Variants in ZNF507 observed in about 807,000 individuals in gnomAD.
The protein encoded by ZNF507 is zinc finger protein 507.
In ZNF507, 29 loss-of-function variants were observed where a neutral mutation model predicts 80.0. The ratio of observed to expected loss-of-function variants is 0.36; its 90% CI spans 0.27 to 0.49. ZNF507 has a LOEUF of 0.49. ZNF507 is among the 20% of genes least tolerant of loss of function. The pLI is 0.98. For missense variants in ZNF507, 1,081 were observed against 1,152.2 expected (o/e 0.94, Z 0.90); for synonymous variants, 462 against 422.5 (o/e 1.09, Z -1.15).
intron 3 of ZNF507, 62 bp from the exon 4 acceptor site, chr19:32,356,554 A>G: frequency 8.4e-7 from 1 of 1,186,068 alleles, no homozygotes. Flanking sequence ...GTTCTTCTAC[A>G]GCCTCCTAAG....
intron 5 of ZNF507, among the ~76,000 whole-genome samples, chr19:32,366,758 A>T (rs879448207): frequency 6.6e-5 from 10 of 152,270 alleles, no homozygotes; most frequent in Non-Finnish European, 1.0e-4. Context: ...GTAATTGGAC[A>T]TGTATATGTA....
rs1967700129 is a variant in ZNF507 at position 32,387,140 on chromosome 19, T to C, written c.*4057T>C. On this transcript the variant is annotated 3_prime_UTR_variant, in exon 7 of 7. Coordinates refer to ENST00000355898, the MANE Select transcript of ZNF507 (RefSeq NM_001136156.2). ...TTCTCTTCCAAATGTGACACGCTTA[T>C]ATGCTTTCAATTCTGATATAGTCAA... The C allele has an allele frequency of 6.6e-6, 1 of 152,248 alleles. No individual in the cohort carries two copies. The highest frequency in any genetic ancestry group is 1.5e-5 in the Non-Finnish European group (1 of 68,042). The allele number at this position is 152,248 out of a possible 1,614,324, so 9.4% of individuals were successfully genotyped here. A position where few individuals can be genotyped will look rare whatever the true frequency, so the allele number is the denominator to read the frequency against.
chr19:32,370,722 A>G (rs1318383052), intron 5 of ZNF507, among the ~76,000 whole-genome samples: 2 of 152,134 alleles, frequency 1.3e-5, no homozygotes, highest in Non-Finnish European at 2.9e-5. Context: ...TGCTGTGCAG[A>G]AGTTTTTTGG....
At chr19:32,370,552 G>C (rs537257090) in intron 5 of ZNF507, among the ~76,000 whole-genome samples, 1 of 152,126 alleles carries the variant, frequency 6.6e-6, no homozygotes, top group African/African-American at 2.4e-5. Context: ...ATCTGTTCAG[G>C]TCCTTTGCCC....
At chr19:32,356,263 A>G (rs768354777) in intron 3 of ZNF507, among the ~76,000 whole-genome samples, 33 of 152,048 alleles carry the variant, frequency 2.2e-4, no homozygotes, top group Non-Finnish European at 4.6e-4. Flanking sequence ...GTGATTACTG[A>G]TTGGATTTTT....
rs139938701 is a variant in ZNF507 at position 32,354,811 on chromosome 19, C to T, written c.1981C>T (p.Arg661Ter). 10 of 1,614,160 alleles carry T rather than the reference C, an allele frequency of 6.2e-6. No homozygotes were observed. Among genetic ancestry groups the T allele is most frequent in the Non-Finnish European group, 7.6e-6 (9 of 1,180,034 alleles). The change falls in exon 3 of 7, where the codon CGA (arginine) becomes TGA (stop). Residue 661 changes from arginine to a stop codon, truncating the protein, a stop_gained. Coordinates refer to ENST00000355898, the MANE Select transcript of ZNF507 (RefSeq NM_001136156.2). LOFTEE classifies it high-confidence loss of function. ...GNKGYIKQHL[R>*]VHRQRQPYQC... ...CAAGGGCTACATCAAGCAGCACTTA[C>T]GAGTCCATCGACAGAGACAGCCTTA...
At chr19:32,373,967 T>C (rs1296003091) in intron 5 of ZNF507, among the ~76,000 whole-genome samples, 1 of 152,202 alleles carries the variant, frequency 6.6e-6, no homozygotes, top group African/African-American at 2.4e-5. Flanking sequence ...AAAGGCTTGC[T>C]TAGTCACTGG....
rs772981292 is a variant in ZNF507, at chr19:32,353,410, G to T, written c.580G>T (p.Val194Leu). ...CACCCAATCCAAAGCCCAACAGTGC[G>T]TAAGCCCCTCCAGCTCTTTGTGTCG... ...IHTQSKAQQC[V>L]SPSSSLCRKT... Residue 194 changes from valine (V) to leucine (L), a missense_variant, in exon 3 of 7, where the codon GTA becomes TTA. Around this residue, in one of 6 missense-constraint regions of ZNF507, gnomAD observed 275 missense variants for 303.9 expected, o/e 0.90. Transcript: ENST00000355898. The T allele has an allele frequency of 2.5e-5, 40 of 1,614,056 alleles. No homozygotes were observed. The highest frequency in any genetic ancestry group is 3.1e-5 in the Non-Finnish European group (36 of 1,180,048).
chr19:32,362,994 C>A (rs990583160), intron 5 of ZNF507, among the ~76,000 whole-genome samples: 1 of 152,206 alleles, frequency 6.6e-6, no homozygotes, highest in Non-Finnish European at 1.5e-5. Context: ...GGTCGCAGAG[C>A]ATTACGGATT....
At chr19:32,377,238 C>T (rs1003173099) in intron 5 of ZNF507, among the ~76,000 whole-genome samples, 2 of 152,068 alleles carry the variant, frequency 1.3e-5, no homozygotes, top group Admixed American at 6.6e-5. Context: ...CTGACGCTAC[C>T]GCTAGACCAT....
intron 2 of ZNF507, among the ~76,000 whole-genome samples, chr19:32,351,085 T>C (rs1183684900): frequency 3.9e-5 from 6 of 152,152 alleles, no homozygotes; most frequent in African/African-American, 1.4e-4. Flanking sequence ...ACAGAACTAG[T>C]CTTTTGAGAG....
Position 32,354,134 on chromosome 19 carries a change from G to A in ZNF507, c.1304G>A (p.Arg435His), listed in dbSNP as rs766773762. 3.2e-5 allele frequency: 51 copies of A among 1,613,168 alleles called. No individual in the cohort carries two copies. In the Admixed American group the frequency reaches 4.5e-4, roughly 14 times the overall value. ...DLSLTEAQIG[R>H]EGMDDVYRAD... Reference sequence around the variant, plus strand: ...AGCCTGACAGAAGCTCAGATTGGGCGCGAAGGAATGGATGATGTTTATCGT... The same window carrying A: ...AGCCTGACAGAAGCTCAGATTGGGCACGAAGGAATGGATGATGTTTATCGT... The change falls in exon 3 of 7, where the codon CGC becomes CAC. Residue 435 changes from arginine to histidine, a missense_variant. By Grantham distance (29) the Arg-to-His change is conservative. Coordinates refer to ENST00000355898, the MANE Select transcript of ZNF507 (RefSeq NM_001136156.2).
chr19:32,380,998 G>A (rs1278767244), intron 5 of ZNF507, among the ~76,000 whole-genome samples: 1 of 152,068 alleles, frequency 6.6e-6, no homozygotes, highest in Non-Finnish European at 1.5e-5. Context: ...CAAAAAACTG[G>A]AAGCAACCAA....
intron 2 of ZNF507, among the ~76,000 whole-genome samples, chr19:32,350,587 C>T (rs1048517590): frequency 5.3e-5 from 8 of 152,168 alleles, no homozygotes; most frequent in Admixed American, 6.5e-5. Context: ...GAGCAATTTG[C>T]ACTGGTCTGT....
At chr19:32,359,678 T>G (rs938421250) in intron 4 of ZNF507, 3 of 152,236 alleles carry the variant, frequency 2.0e-5, no homozygotes, top group Non-Finnish European at 2.9e-5. Context: ...ACATGGCTAC[T>G]TTTCGTTGGA....
intron 5 of ZNF507, among the ~76,000 whole-genome samples, chr19:32,370,718 G>A (rs1967459348): frequency 6.6e-6 from 1 of 152,094 alleles, no homozygotes; most frequent in East Asian, 1.9e-4. Context: ...TCTTTGCTGT[G>A]CAGAAGTTTT....
At chr19:32,363,591 C>T (rs1343124432) in intron 5 of ZNF507, among the ~76,000 whole-genome samples, 1 of 152,076 alleles carries the variant, frequency 6.6e-6, no homozygotes, top group Non-Finnish European at 1.5e-5. Flanking sequence ...CTCTGTGCTG[C>T]TTTTGTCGTT....
At position 32,383,325 on chromosome 19, in the gene ZNF507, C is replaced by G; in HGVS notation, c.*242C>G. On this transcript the variant is annotated 3_prime_UTR_variant, in exon 7 of 7. Transcript: ENST00000355898. Reference sequence around the variant, plus strand: ...TCAAAGAGGAAGTAGAGGTGTAATCCTGTATTAACCCTCTGTCACCCCTTC... The same window carrying G: ...TCAAAGAGGAAGTAGAGGTGTAATCGTGTATTAACCCTCTGTCACCCCTTC... The G allele has an allele frequency of 2.0e-6, 1 of 488,196 alleles. No individual in the cohort carries two copies. The highest frequency in any genetic ancestry group is 3.7e-5 in the East Asian group (1 of 26,700). 30.2% of individuals were successfully genotyped at this position (488,196 alleles called of 1,614,324 possible).
chr19:32,361,736 T>TTTCCTTTC (rs1967329108), intron 5 of ZNF507, among the ~76,000 whole-genome samples: 1 of 144,604 alleles, frequency 6.9e-6, no homozygotes, highest in African/African-American at 2.6e-5. Flanking sequence ...CTTTCCTTCC[T>TTTCCTTTC]TTCCTTTCCT....
Sources: allele counts gnomAD v4.1 joint callset (sites outside exome capture counted in the v4.1 genomes callset), GRCh38; gene constraint gnomAD v4.1.1; regional missense constraint gnomAD v4.1.1; transcripts MANE v1.5; gene names NCBI Gene and HGNC (gene_info 2026-07-23, HGNC 2026-07-21).